KCTD1: variants seen among roughly 807,000 people sequenced by gnomAD.
The protein encoded by KCTD1 is potassium channel tetramerization domain containing 1.
In KCTD1, 24 loss-of-function variants were observed where a neutral mutation model predicts 66.0. The ratio of observed to expected loss-of-function variants is 0.36; its 90% CI spans 0.26 to 0.51. The LOEUF (loss-of-function observed/expected upper bound fraction) is 0.51, where lower values mean the gene tolerates loss of function less well. KCTD1 is among the 20% of genes least tolerant of loss of function. The pLI is 0.95. For missense variants in KCTD1, 943 were observed against 1,205.2 expected, an observed-to-expected ratio of 0.78 and a Z score of 3.22; for synonymous variants, 511 against 517.2, an observed-to-expected ratio of 0.99 and a Z score of 0.16.
Position 26,476,945 on chromosome 18 carries a change from G to A in KCTD1, c.1989-286C>T. The A allele has an allele frequency of 3.4e-6, 1 of 296,428 alleles. No homozygotes were observed. The highest frequency in any genetic ancestry group is 7.2e-5 in the East Asian group (1 of 13,840). 18.4% of individuals were successfully genotyped at this position (296,428 alleles called of 1,614,324 possible). ...TACGGCTAAGTGCTGTCACTGTAAT[G>A]GAAGATCACATCTTTCCCCGTGTTA... is the stretch of plus-strand genomic sequence containing the variant. On this transcript the variant is annotated intron_variant, in intron 2 of 4. Transcript: ENST00000580059. This position sits in a 1 kb window ranked among gnomAD's most constrained non-coding sequence, Gnocchi z 4.9.
intron 1 of KCTD1, among the ~76,000 whole-genome samples, chr18:26,655,113 C>T (rs1193334127): frequency 6.6e-6 from 1 of 152,230 alleles, no homozygotes; most frequent in Non-Finnish European, 1.5e-5. Flanking sequence ...CATTCTACAG[C>T]ATCAGCCTCA....
intron 1 of KCTD1, among the ~76,000 whole-genome samples, chr18:26,590,289 G>A (rs1173107410): frequency 3.3e-5 from 5 of 151,392 alleles, no homozygotes; most frequent in East Asian, 3.9e-4. Context: ...GGGTTTCACC[G>A]TGTTGGCCAA....
intron 1 of KCTD1, among the ~76,000 whole-genome samples, chr18:26,646,277 A>T (rs1373512851): frequency 6.6e-6 from 1 of 152,116 alleles, no homozygotes; most frequent in Non-Finnish European, 1.5e-5. Context: ...TGTTAGGGGG[A>T]GCAGGAGGGA....
intron 1 of KCTD1, 110 bp downstream of exon 1, chr18:26,546,618 C>T: frequency 7.9e-7 from 1 of 1,271,950 alleles, no homozygotes; most frequent in Non-Finnish European, 1.1e-6. Context: ...CGATTCAGTA[C>T]ATTACCTACT....
chr18:26,530,405 G>A (rs1318202612), intron 1 of KCTD1, among the ~76,000 whole-genome samples: 1 of 152,196 alleles, frequency 6.6e-6, no homozygotes, highest in African/African-American at 2.4e-5. Flanking sequence ...GTAGGCTTGA[G>A]GCAGAGAGGA....
At chr18:26,563,308 A>G (rs1985904947) in intron 1 of KCTD1, among the ~76,000 whole-genome samples, 1 of 152,200 alleles carries the variant, frequency 6.6e-6, no homozygotes, top group Non-Finnish European at 1.5e-5. Flanking sequence ...TATTGGTATA[A>G]GTTTGTCTTC....
At chr18:26,484,410 C>G (rs1418762377) in intron 2 of KCTD1, among the ~76,000 whole-genome samples, 1 of 152,028 alleles carries the variant, frequency 6.6e-6, no homozygotes, top group Admixed American at 6.6e-5. Context: ...AAAGGAAAGG[C>G]AAGTTTGAAA....
intron 2 of KCTD1, among the ~76,000 whole-genome samples, chr18:26,487,440 TC>T (rs77070505): frequency 0.51 from 77,414 of 152,116 alleles, 22,264 homozygotes; most frequent in East Asian, 0.83. Context: ...TCTAATTGCT[TC>T]TTCAAATCAC....
chr18:26,561,723 T>C (rs1196252665), intron 1 of KCTD1, among the ~76,000 whole-genome samples: 1 of 152,136 alleles, frequency 6.6e-6, no homozygotes, highest in Non-Finnish European at 1.5e-5. Flanking sequence ...CAAGGATGGG[T>C]CCCTGGGCAG....
chr18:26,491,974 T>C (rs6508446), intron 2 of KCTD1, among the ~76,000 whole-genome samples: 111,588 of 152,164 alleles, frequency 0.73, 41,384 homozygotes, highest in African/African-American at 0.81. Flanking sequence ...GGGGTGGGCA[T>C]GGTGGCTGAT....
chr18:26,479,238 T>C (rs1397150379), intron 2 of KCTD1, among the ~76,000 whole-genome samples: 1 of 152,168 alleles, frequency 6.6e-6, no homozygotes, highest in Non-Finnish European at 1.5e-5. Flanking sequence ...AGAAGTGGAC[T>C]CTTCAGGCGG....
intron 3 of KCTD1, among the ~76,000 whole-genome samples, chr18:26,469,030 A>G (rs1030583279): frequency 2.0e-5 from 3 of 152,194 alleles, no homozygotes; most frequent in Non-Finnish European, 4.4e-5. Flanking sequence ...CAGCCACCAG[A>G]GCGGAAGGAC....
chr18:26,648,159 ATCT>A (rs1177936743), intron 1 of KCTD1, among the ~76,000 whole-genome samples: 1 of 152,064 alleles, frequency 6.6e-6, no homozygotes. Context: ...AATCACCTAG[ATCT>A]TCTTACCTCT....
At chr18:26,516,761 A>C (rs2144735588) in intron 1 of KCTD1, among the ~76,000 whole-genome samples, 2 of 152,324 alleles carry the variant, frequency 1.3e-5, no homozygotes, top group Middle Eastern at 6.8e-3. Context: ...ATGATGACAA[A>C]GCAAGCTGAT....
At chr18:26,602,947 T>C (rs1045405964) in intron 1 of KCTD1, among the ~76,000 whole-genome samples, 2 of 152,148 alleles carry the variant, frequency 1.3e-5, no homozygotes, top group Non-Finnish European at 2.9e-5. Context: ...TGGAACAGAA[T>C]GGAGAGCCCA....
chr18:26,607,637 T>C (rs1057034258), intron 1 of KCTD1, among the ~76,000 whole-genome samples: 2 of 152,358 alleles, frequency 1.3e-5, no homozygotes, highest in Admixed American at 1.3e-4. Context: ...TATTGGAGGA[T>C]GTGTTTATAC....
At chr18:26,598,124 C>T (rs534263647) in intron 1 of KCTD1, among the ~76,000 whole-genome samples, 1 of 152,320 alleles carries the variant, frequency 6.6e-6, no homozygotes, top group South Asian at 2.1e-4. Context: ...CCCTCAACTC[C>T]TAGCAACCAC....
chr18:26,543,172 C>A (rs565430527), intron 1 of KCTD1: 1 of 152,274 alleles, frequency 6.6e-6, no homozygotes, highest in South Asian at 2.1e-4. Flanking sequence ...TCTCCACCAA[C>A]TTGAACTTTT....
intron 1 of KCTD1, among the ~76,000 whole-genome samples, chr18:26,595,613 G>T (rs1986748197): frequency 6.6e-6 from 1 of 152,210 alleles, no homozygotes; most frequent in Non-Finnish European, 1.5e-5. Flanking sequence ...ACAGAGAAGT[G>T]CCTATGTGCC....
Sources: allele counts gnomAD v4.1 joint callset (sites outside exome capture counted in the v4.1 genomes callset), GRCh38; gene constraint gnomAD v4.1.1; non-coding constraint Gnocchi (gnomAD v3.1); transcripts MANE v1.5; gene names NCBI Gene and HGNC (gene_info 2026-07-23, HGNC 2026-07-21).